The following HTR3E variants were observed in gnomAD, a reference collection of about 807,000 sequenced individuals.
HTR3E encodes 5-hydroxytryptamine receptor 3E.
A neutral mutation model predicts 38.0 loss-of-function variants in HTR3E; 38 were observed. That is an observed-to-expected ratio of 1.00 (90% CI 0.77 to 1.31). HTR3E has a LOEUF of 1.31. HTR3E is among the 50% of genes most tolerant of loss of function. HTR3E has a pLI of 0.00. For missense variants in HTR3E, 547 were observed against 585.2 expected, an observed-to-expected ratio of 0.93 and a Z score of 0.67; for synonymous variants, 210 against 232.9, an observed-to-expected ratio of 0.90 and a Z score of 0.89.
chr3:184,100,242 C>A, intron 1 of HTR3E: 2 of 1,357,622 alleles, frequency 1.5e-6, no homozygotes, highest in South Asian at 1.4e-5. Context: ...CCTCTTATTG[C>A]ACCTTAGTTA....
chr3:184,104,947 C>G lies in HTR3E; in HGVS notation c.550C>G (p.Leu184Val), dbSNP rs200924937. ...CTGCACACTCACCTTCAGCTCATTC[C>G]TCTACACAGGTAAGTTGCAGTGAGG... Reference protein sequence around the residue: ...QNCTLTFSSFLYTVDSMLLDM... With the variant: ...QNCTLTFSSFVYTVDSMLLDM... The change falls in exon 5 of 9, where the codon CTC (leucine) becomes GTC (valine). Residue 184 changes from leucine (L) to valine (V), a missense_variant. Leu to Val is a conservative substitution (Grantham distance 32). Coordinates refer to ENST00000415389, the MANE Select transcript of HTR3E (RefSeq NM_001256613.2). The G allele has an allele frequency of 1.8e-5, 29 of 1,612,922 alleles. No individual in the cohort carries two copies. In the East Asian group the frequency reaches 6.5e-4, roughly 36 times the overall value.
Position 184,106,120 on chromosome 3 carries a change from C to T in HTR3E, c.926-8C>T, listed in dbSNP as rs745917382. 2 of 1,613,606 alleles carry T rather than the reference C, an allele frequency of 1.2e-6. No individual in the cohort carries two copies. Among genetic ancestry groups the T allele is most frequent in the Admixed American group, 1.7e-5 (1 of 60,018 alleles). Reference sequence around the variant, plus strand: ...CTCTGGCCCTCACTAGGCCCCCCTTCCCTCCAGGTGTCTACTTCGCCCTGT... The same window carrying T: ...CTCTGGCCCTCACTAGGCCCCCCTTTCCTCCAGGTGTCTACTTCGCCCTGT... On this transcript the variant is annotated splice_region_variant and splice_polypyrimidine_tract_variant and intron_variant, in intron 7 of 8. Coordinates refer to ENST00000415389, the MANE Select transcript of HTR3E (RefSeq NM_001256613.2). This position sits in a 1 kb window ranked among gnomAD's most constrained non-coding sequence, Gnocchi z 4.1.
At chr3:184,102,697 G>A (rs564190003) in intron 3 of HTR3E, among the ~76,000 whole-genome samples, 7 of 151,614 alleles carry the variant, frequency 4.6e-5, no homozygotes, top group South Asian at 4.2e-4. Flanking sequence ...GGCCGAGGCC[G>A]GTGGATCGCC....
chr3:184,099,925 T>C (rs1711915740), intron 1 of HTR3E, among the ~76,000 whole-genome samples: 1 of 152,096 alleles, frequency 6.6e-6, no homozygotes, highest in Non-Finnish European at 1.5e-5. Flanking sequence ...CGGATGACTA[T>C]CAACATTCCA....
Position 184,106,135 on chromosome 3 carries a change from C to T in HTR3E, c.933C>T (p.Tyr311=), listed in dbSNP as rs776951612. 3 of 1,613,420 alleles carry T rather than the reference C, an allele frequency of 1.9e-6. No homozygotes were observed. The highest frequency in any genetic ancestry group is 2.5e-6 in the Non-Finnish European group (3 of 1,180,010). The part of the protein sequence containing the change: ...PTSGTPLIGV[Y]FALCLSLMVG... Reference sequence around the variant, plus strand: ...GGCCCCCCTTCCCTCCAGGTGTCTACTTCGCCCTGTGCCTGTCCCTGATGG... The same window carrying T: ...GGCCCCCCTTCCCTCCAGGTGTCTATTTCGCCCTGTGCCTGTCCCTGATGG... The change falls in exon 8 of 9, where the codon TAC becomes TAT. Residue 311 remains tyrosine (Y), a synonymous_variant. Coordinates refer to ENST00000415389, the MANE Select transcript of HTR3E (RefSeq NM_001256613.2). This position sits in a 1 kb window ranked among gnomAD's most constrained non-coding sequence, Gnocchi z 4.1.
At chr3:184,100,785 G>A in intron 2 of HTR3E, 134 bp downstream of exon 2, 1 of 1,286,254 alleles carries the variant, frequency 7.8e-7, no homozygotes, top group Non-Finnish European at 1.1e-6. Context: ...CTGGCATGGG[G>A]ATCTCAAAGA....
At chr3:184,099,374 A>C (rs1167543748) in intron 1 of HTR3E, among the ~76,000 whole-genome samples, 1 of 151,988 alleles carries the variant, frequency 6.6e-6, no homozygotes. Flanking sequence ...TGGGCAGTAG[A>C]GTGAGTCGCT....
rs1160581182 is a variant in HTR3E, at chr3:184,104,046, G to T, written c.280-136G>T. ...TTTAATAAAATATTAATGCCACAAA[G>T]TTGGGTTGTAAATACATAGATGTTT... On this transcript the variant is annotated intron_variant, in intron 3 of 8. Transcript: ENST00000415389. 6 of 509,236 alleles carry T rather than the reference G, an allele frequency of 1.2e-5. No individual in the cohort carries two copies. In the East Asian group the frequency reaches 2.1e-4, roughly 18 times the overall value. The allele number at this position is 509,236 out of a possible 1,614,324, so 31.5% of individuals were successfully genotyped here.
At chr3:184,101,343 C>T in intron 2 of HTR3E, 142 bp from the exon 3 acceptor site, 1 of 764,378 alleles carries the variant, frequency 1.3e-6, no homozygotes. Context: ...TAGCCTAACA[C>T]ATGGGTTTGG....
chr3:184,105,968 C>T lies in HTR3E; in HGVS notation c.924C>T (p.Ile308=), dbSNP rs367632850. The change falls in exon 7 of 9, where the codon ATC becomes ATT. Residue 308 remains isoleucine (I), a splice_region_variant and synonymous_variant. Coordinates refer to ENST00000415389, the MANE Select transcript of HTR3E (RefSeq NM_001256613.2). ...TCCCCACCAGTGGCACCCCCCTCATCGGTATGGCTCCTCCCACCTTTTGGA... is the reference window on the plus strand; with the variant it reads ...TCCCCACCAGTGGCACCCCCCTCATTGGTATGGCTCCTCCCACCTTTTGGA... ...DLLPTSGTPL[I]GVYFALCLSL... is the part of the protein sequence containing the mutation. 1.8e-5 allele frequency: 29 copies of T among 1,614,100 alleles called. No individual in the cohort carries two copies. The highest frequency in any genetic ancestry group is 3.3e-5 in the Admixed American group (2 of 60,014).
chr3:184,101,990 A>AAAAACAAAACAAAAC (rs199969600), intron 3 of HTR3E, among the ~76,000 whole-genome samples: 1 of 152,164 alleles, frequency 6.6e-6, no homozygotes, highest in South Asian at 2.1e-4. Flanking sequence ...ACTCTATCTC[A>AAAAACAAAACAAAAC]AAAACAAAAC....
Position 184,106,290 on chromosome 3 carries a change from C to T in HTR3E, c.1088C>T (p.Thr363Ile). ...HCNSPGRCCPTAPQKENKGPG... is the reference protein window; with the variant it reads ...HCNSPGRCCPIAPQKENKGPG... Reference sequence around the variant, plus strand: ...AACAGCCCGGGGAGATGCTGTCCCACTGCGCCCCAGAAGGAAAATAAGGGC... The same window carrying T: ...AACAGCCCGGGGAGATGCTGTCCCATTGCGCCCCAGAAGGAAAATAAGGGC... Residue 363 changes from threonine to isoleucine, a missense_variant, in exon 8 of 9, where the codon ACT (threonine) becomes ATT (isoleucine). Physicochemically the swap from Thr to Ile is moderately conservative, Grantham distance 89 (BLOSUM62 -1). Transcript: ENST00000415389. The surrounding 1 kb of genome is among the most constrained non-coding windows in gnomAD (Gnocchi z 4.1). 6.2e-7 allele frequency: 1 copy of T among 1,613,460 alleles called. No homozygotes were observed. Among genetic ancestry groups the T allele is most frequent in the Non-Finnish European group, 8.5e-7 (1 of 1,180,010 alleles).
intron 4 of HTR3E, 71 bp from the exon 5 acceptor site, chr3:184,104,716 C>CAAAAAA: frequency 9.6e-6 from 8 of 837,438 alleles, no homozygotes; most frequent in Middle Eastern, 4.2e-4. Flanking sequence ...GATCCTGTCT[C>CAAAAAA]AAAAAAAAAA....
At position 184,104,894 on chromosome 3, in the gene HTR3E, T is replaced by C; in HGVS notation, c.497T>C (p.Ile166Thr). 6.2e-7 allele frequency: 1 copy of C among 1,614,028 alleles called. No individual in the cohort carries two copies. Among genetic ancestry groups the C allele is most frequent in the African/African-American group, 1.3e-5 (1 of 75,020 alleles). Residue 166 changes from isoleucine (I) to threonine (T), a missense_variant, in exon 5 of 9, where the codon ATC becomes ACC. Coordinates refer to ENST00000415389, the MANE Select transcript of HTR3E (RefSeq NM_001256613.2). Reference protein sequence around the residue: ...MKVDSICNLDIFYFPFDQQNC... With the variant: ...MKVDSICNLDTFYFPFDQQNC... Reference sequence around the variant, plus strand: ...GTGGACAGTATCTGTAACCTGGACATCTTCTACTTCCCCTTCGACCAGCAG... The same window carrying C: ...GTGGACAGTATCTGTAACCTGGACACCTTCTACTTCCCCTTCGACCAGCAG...
intron 3 of HTR3E, among the ~76,000 whole-genome samples, chr3:184,102,818 G>A (rs1712137555): frequency 1.3e-5 from 2 of 151,798 alleles, no homozygotes; most frequent in South Asian, 2.1e-4. Context: ...CCAGCTACTC[G>A]GGAGGCTGAG....
intron 1 of HTR3E, among the ~76,000 whole-genome samples, chr3:184,099,720 C>CAAAA (rs1192532487): frequency 1.5e-3 from 67 of 44,214 alleles, no homozygotes; most frequent in Non-Finnish European, 1.8e-3. Flanking sequence ...GACTCCGTCT[C>CAAAA]AAAAAAAAAA....
At chr3:184,098,282 T>C (rs1275166560) in intron 1 of HTR3E, among the ~76,000 whole-genome samples, 1 of 152,246 alleles carries the variant, frequency 6.6e-6, no homozygotes, top group African/African-American at 2.4e-5. Flanking sequence ...GCTTAACTTA[T>C]CTGAGCTCTG....
At chr3:184,099,639 G>A (rs1345173933) in intron 1 of HTR3E, among the ~76,000 whole-genome samples, 4 of 147,982 alleles carry the variant, frequency 2.7e-5, no homozygotes, top group South Asian at 2.1e-4. Flanking sequence ...GCGTGAACCC[G>A]GGAAGCGGAG....
intron 1 of HTR3E, chr3:184,100,145 T>C (rs972175685): frequency 1.5e-6 from 2 of 1,374,512 alleles, no homozygotes; most frequent in African/African-American, 2.9e-5. Flanking sequence ...CCTGGGGACG[T>C]ATAGCACAGC....
Sources: allele counts gnomAD v4.1 joint callset (sites outside exome capture counted in the v4.1 genomes callset), GRCh38; gene constraint gnomAD v4.1.1; non-coding constraint Gnocchi (gnomAD v3.1); transcripts MANE v1.5; gene names NCBI Gene and HGNC (gene_info 2026-07-23, HGNC 2026-07-21).